DSC2: variants seen among roughly 807,000 people sequenced by gnomAD.
DSC2 encodes desmocollin 2, also known as desmocollin-2.
A neutral mutation model predicts 87.6 loss-of-function variants in DSC2; 51 were observed. The observed-to-expected ratio is 0.58, with a 90% CI of 0.46 to 0.74. DSC2 has a LOEUF of 0.74. Among genes scored for constraint, DSC2 ranks in the 30% least tolerant of loss-of-function variants. DSC2 has a pLI of 0.00. For missense variants in DSC2, 1,066 were observed against 1,089.5 expected, an observed-to-expected ratio of 0.98 and a Z score of 0.30; for synonymous variants, 383 against 393.2, an observed-to-expected ratio of 0.97 and a Z score of 0.31.
rs1987446637 is a variant in DSC2, at chr18:31,087,691, T to C, written c.753A>G (p.Thr251=). The change falls in exon 6 of 16, where the codon ACA becomes ACG. Residue 251 remains threonine, a synonymous_variant. Transcript: ENST00000280904. ...PIFTEETYTF[T]IFENCRVGTT... The stretch of plus-strand genomic sequence containing the variant: ...CACCCACTCTGCAATTTTCAAAAAT[T>C]GTAAAAGTATAAGTTTCTTCTGTAA... 6.2e-7 allele frequency: 1 copy of C among 1,613,120 alleles called. No individual in the cohort carries two copies. Among genetic ancestry groups the C allele is most frequent in the Admixed American group, 1.7e-5 (1 of 60,016 alleles).
intron 1 of DSC2, among the ~76,000 whole-genome samples, chr18:31,100,323 C>T (rs1482834616): frequency 6.6e-6 from 1 of 152,234 alleles, no homozygotes; most frequent in Non-Finnish European, 1.5e-5. Flanking sequence ...ACAGAAAGCT[C>T]TCTCTGCAGG....
intron 1 of DSC2, among the ~76,000 whole-genome samples, chr18:31,097,254 C>T (rs1380499496): frequency 1.3e-5 from 2 of 150,410 alleles, no homozygotes; most frequent in Non-Finnish European, 3.0e-5. Flanking sequence ...CGCCACTGCA[C>T]TCCAGCCTGG....
At chr18:31,086,540 C>T (rs575010174) in intron 7 of DSC2, 36 bp downstream of exon 7, 2 of 1,612,948 alleles carry the variant, frequency 1.2e-6, no homozygotes, top group African/African-American at 2.7e-5. Flanking sequence ...ATTGAATAGC[C>T]ACGTTATAAT....
chr18:31,101,240 A>G (rs1987937160), intron 1 of DSC2: 1 of 985,338 alleles, frequency 1.0e-6, no homozygotes, highest in Non-Finnish European at 1.2e-6. Flanking sequence ...GCCGGTCGAC[A>G]GTCCTCAGGA....
intron 1 of DSC2, among the ~76,000 whole-genome samples, chr18:31,095,147 G>A (rs183003526): frequency 1.5e-4 from 23 of 152,314 alleles, no homozygotes; most frequent in Admixed American, 5.2e-4. Context: ...ATACCTGAGC[G>A]TAAATGAAGT....
At chr18:31,078,903 CAT>C (rs1488700981) in intron 11 of DSC2, among the ~76,000 whole-genome samples, 25 of 152,100 alleles carry the variant, frequency 1.6e-4, no homozygotes, top group African/African-American at 5.6e-4. Context: ...TCATCATACT[CAT>C]ATTTCTCTCA....
At chr18:31,072,470 T>C (rs143854267) in intron 12 of DSC2, among the ~76,000 whole-genome samples, 1,818 of 152,286 alleles carry the variant, frequency 0.012, 14 homozygotes, top group Non-Finnish European at 0.018. Flanking sequence ...GGCTAGAAAA[T>C]ATCTAGAACC....
Position 31,086,547 on chromosome 18 carries a change from T to C in DSC2, c.942+29A>G, listed in dbSNP as rs748751816. On this transcript the variant is annotated intron_variant, in intron 7 of 15. Transcript: ENST00000280904. ...CAGGTACTATTGAATAGCCACGTTA[T>C]AATCAGGTTTTATTAATGTTTATGT... 5 of 1,613,760 alleles carry C rather than the reference T, an allele frequency of 3.1e-6. No individual in the cohort carries two copies. In the South Asian group the frequency reaches 4.4e-5, roughly 14 times the overall value.
In DSC2 at chr18:31,074,751, G is replaced by T; in HGVS notation, c.1820C>A (p.Pro607His). 6.2e-7 allele frequency: 1 copy of T among 1,613,940 alleles called. No homozygotes were observed. Among genetic ancestry groups the T allele is most frequent in the South Asian group, 1.1e-5 (1 of 91,066 alleles). ...AGAACTCTCCAGACTAAAGTCAAAG[G>T]GTGGGCCATGGATAGGCTCATCAGG... ...VDPDEPIHGP[P>H]FDFSLESSTS... Residue 607 changes from proline to histidine, a missense_variant, in exon 12 of 16, where the codon CCC (proline) becomes CAC (histidine). Pro to His is a moderately conservative substitution (Grantham distance 77). Coordinates refer to ENST00000280904, the MANE Select transcript of DSC2 (RefSeq NM_024422.6).
At chr18:31,078,373 AT>A (rs1398452151) in intron 11 of DSC2, among the ~76,000 whole-genome samples, 1 of 152,198 alleles carries the variant, frequency 6.6e-6, no homozygotes, top group Non-Finnish European at 1.5e-5. Flanking sequence ...TTTATTCTAT[AT>A]CACAATGATG....
In DSC2 at chr18:31,082,419, A is replaced by T; in HGVS notation, c.1082T>A (p.Val361Glu). 1 of 1,613,030 alleles carries T rather than the reference A, an allele frequency of 6.2e-7. No homozygotes were observed. Among genetic ancestry groups the T allele is most frequent in the Non-Finnish European group, 8.5e-7 (1 of 1,179,868 alleles). ...HLPTFTRTSYVTSVEENTVDV... is the reference protein window; with the variant it reads ...HLPTFTRTSYETSVEENTVDV... ...AACTGTATTTTCTTCCACTGATGTC[A>T]CATACTAAAATAATAAAAGCAAACA... The change falls in exon 9 of 16, where the codon GTG (valine) becomes GAG (glutamate). Residue 361 changes from valine to glutamate, a missense_variant. By Grantham distance (121) the Val-to-Glu change is moderately radical. Transcript: ENST00000280904.
In DSC2 at chr18:31,061,880, A is replaced by G. The variant is rs1986508971; in HGVS notation, c.*6135T>C. 6.6e-6 allele frequency: 1 copy of G among 152,190 alleles called. No individual in the cohort carries two copies. Among genetic ancestry groups the G allele is most frequent in the South Asian group, 2.1e-4 (1 of 4,824 alleles). 9.4% of individuals were successfully genotyped at this position (152,190 alleles called of 1,614,324 possible). ...ATCAGATCCTACTTCTCAAGATTTC[A>G]GTCCTCAAACCTAGAAAACCAGAAC... On this transcript the variant is annotated 3_prime_UTR_variant, in exon 16 of 16. Transcript: ENST00000280904.
rs1251396534 is a variant in DSC2, at chr18:31,060,018, A to T, written c.*7997T>A. 6.6e-6 allele frequency: 1 copy of T among 152,174 alleles called. No individual in the cohort carries two copies. Among genetic ancestry groups the T allele is most frequent in the Non-Finnish European group, 1.5e-5 (1 of 68,018 alleles). The allele number at this position is 152,174 out of a possible 1,614,324, so 9.4% of individuals were successfully genotyped here. On this transcript the variant is annotated 3_prime_UTR_variant, in exon 16 of 16. Coordinates refer to ENST00000280904, the MANE Select transcript of DSC2 (RefSeq NM_024422.6). Reference sequence around the variant, plus strand: ...TCCCAAGGTAACACAGCAAGAACAAAGCTGAGATTTGGATCCACGTCTTTC... The same window carrying T: ...TCCCAAGGTAACACAGCAAGAACAATGCTGAGATTTGGATCCACGTCTTTC...
chr18:31,090,150 C>T (rs927343045), intron 4 of DSC2, among the ~76,000 whole-genome samples: 4 of 152,026 alleles, frequency 2.6e-5, no homozygotes, highest in Non-Finnish European at 2.9e-5. Flanking sequence ...ATCCTTGATT[C>T]GAAAAGCAAA....
At chr18:31,077,771 G>A (rs551214188) in intron 11 of DSC2, among the ~76,000 whole-genome samples, 1 of 152,240 alleles carries the variant, frequency 6.6e-6, no homozygotes, top group Admixed American at 6.5e-5. Flanking sequence ...CATGCTTTAT[G>A]TGCATGATGC....
Position 31,086,737 on chromosome 18 carries a change from T to C in DSC2, c.781A>G (p.Thr261Ala), listed in dbSNP as rs1987413932. 1 of 1,613,982 alleles carries C rather than the reference T, an allele frequency of 6.2e-7. No individual in the cohort carries two copies. Among genetic ancestry groups the C allele is most frequent in the Non-Finnish European group, 8.5e-7 (1 of 1,179,940 alleles). ...TCAGTAGCACACACTTGTCCCACAG[T>C]AGTGCCTAGAGAAGAAAAGTCCTTT... Reference protein sequence around the residue: ...TIFENCRVGTTVGQVCATDKD... With the variant: ...TIFENCRVGTAVGQVCATDKD... Residue 261 changes from threonine to alanine, a missense_variant, in exon 7 of 16, where the codon ACT becomes GCT. Thr to Ala is a moderately conservative substitution (Grantham distance 58). Coordinates refer to ENST00000280904, the MANE Select transcript of DSC2 (RefSeq NM_024422.6).
At chr18:31,081,057 A>G (rs1345686432) in intron 9 of DSC2, among the ~76,000 whole-genome samples, 1 of 152,122 alleles carries the variant, frequency 6.6e-6, no homozygotes, top group African/African-American at 2.4e-5. Context: ...TACATGAGAT[A>G]CTCCTTTAGG....
chr18:31,083,598 T>A (rs1191753314), intron 7 of DSC2, among the ~76,000 whole-genome samples: 1 of 152,114 alleles, frequency 6.6e-6, no homozygotes, highest in Non-Finnish European at 1.5e-5. Flanking sequence ...AACAAAACAA[T>A]AAAATGAAAT....
Position 31,059,521 on chromosome 18 carries a change from CTT to C in DSC2, c.*8492_*8493del, listed in dbSNP as rs1241907449. The C allele has an allele frequency of 1.3e-5, 2 of 152,232 alleles. No individual in the cohort carries two copies. Among genetic ancestry groups the C allele is most frequent in the East Asian group, 3.9e-4 (2 of 5,186 alleles). The allele number at this position is 152,232 out of a possible 1,614,324, so 9.4% of individuals were successfully genotyped here. A position where few individuals can be genotyped will look rare whatever the true frequency, so the allele number is the denominator to read the frequency against. On this transcript the variant is annotated 3_prime_UTR_variant, in exon 16 of 16. Transcript: ENST00000280904. ...ATTTATTAAAGCTAAGATGAAAAGG[CTT>C]TTCTTCACAGGCCTGTAAGCTCCCC...
Sources: allele counts gnomAD v4.1 joint callset (sites outside exome capture counted in the v4.1 genomes callset), GRCh38; gene constraint gnomAD v4.1.1; transcripts MANE v1.5; gene names NCBI Gene and HGNC (gene_info 2026-07-23, HGNC 2026-07-21).